DNAAF8: variants seen among roughly 807,000 people sequenced by gnomAD.
DNAAF8 encodes dynein axonemal-associated protein 1.
A neutral mutation model predicts 54.6 loss-of-function variants in DNAAF8; 61 were observed. The ratio of observed to expected loss-of-function variants is 1.12; its 90% CI spans 0.91 to 1.38. The LOEUF is 1.38. Ranked by LOEUF, DNAAF8 falls within the 40% of genes most tolerant of loss-of-function variation. DNAAF8 has a pLI of 0.00. For missense variants in DNAAF8, 837 were observed against 665.0 expected (o/e 1.26, Z -2.85); for synonymous variants, 320 against 270.1 (o/e 1.18, Z -1.81).
chr16:4,738,389 TG>T (rs1329334665), intron 3 of DNAAF8, among the ~76,000 whole-genome samples: 2 of 151,944 alleles, frequency 1.3e-5, no homozygotes, highest in African/African-American at 4.8e-5. Flanking sequence ...CAGGCTACAG[TG>T]GGGAGTGGGA....
At chr16:4,743,005 C>T (rs2081973142) in intron 4 of DNAAF8, 38 bp from the exon 5 acceptor site, 1 of 1,526,184 alleles carries the variant, frequency 6.6e-7, no homozygotes, top group Non-Finnish European at 9.1e-7. Context: ...TCTGGGACCC[C>T]TCAGCATCCT....
chr16:4,737,569 G>A (rs1176534438), intron 2 of DNAAF8, among the ~76,000 whole-genome samples: 1 of 152,188 alleles, frequency 6.6e-6, no homozygotes, highest in African/African-American at 2.4e-5. Flanking sequence ...ACCTCCACGA[G>A]GTTGTGCTGC....
intron 3 of DNAAF8, among the ~76,000 whole-genome samples, chr16:4,739,132 C>G (rs939854784): frequency 3.3e-5 from 5 of 152,050 alleles, no homozygotes; most frequent in African/African-American, 1.2e-4. Context: ...TGAAATAACC[C>G]CACACAAGAG....
rs370515594 is a variant in DNAAF8 at position 4,740,373 on chromosome 16, G to A, written c.497G>A (p.Trp166Ter). The change falls in exon 4 of 10, where the codon TGG becomes TAG. Residue 166 changes from tryptophan to a stop codon, truncating the protein, a stop_gained. Coordinates refer to ENST00000299320, the MANE Select transcript of DNAAF8 (RefSeq NM_139170.3). LOFTEE classifies it high-confidence loss of function. The stretch of plus-strand genomic sequence containing the variant: ...ACCAAAGGATCCCAGGGTCCTCCCT[G>A]GGACCCACAGGCCGAAGCCACTCTC... The part of the protein sequence containing the change: ...FNTKGSQGPP[W>*]DPQAEATLSC... 13 of 1,613,704 alleles carry A rather than the reference G, an allele frequency of 8.1e-6. No homozygotes were observed. Among genetic ancestry groups the A allele is most frequent in the Non-Finnish European group, 1.0e-5 (12 of 1,179,992 alleles).
intron 2 of DNAAF8, 114 bp from the exon 3 acceptor site, chr16:4,737,685 TG>T: frequency 7.6e-7 from 1 of 1,320,580 alleles, no homozygotes. Context: ...ACGGGCTGGA[TG>T]GGCTGGGCGG....
intron 5 of DNAAF8, 72 bp from the exon 6 acceptor site, chr16:4,744,798 G>A: frequency 6.6e-7 from 1 of 1,526,086 alleles, no homozygotes; most frequent in Non-Finnish European, 9.0e-7. Flanking sequence ...CAGGGGTCCT[G>A]AGGCTCCAGC....
chr16:4,736,954 C>T (rs569598757), intron 2 of DNAAF8, among the ~76,000 whole-genome samples: 2 of 152,140 alleles, frequency 1.3e-5, no homozygotes, highest in Admixed American at 6.5e-5. Flanking sequence ...TGCAGAAGCT[C>T]TGTCCTTTCC....
intron 6 of DNAAF8, 69 bp downstream of exon 6, chr16:4,745,080 T>A: frequency 6.4e-7 from 1 of 1,550,604 alleles, no homozygotes; most frequent in East Asian, 2.3e-5. Flanking sequence ...TAGCACTGAC[T>A]GGGCCTACCA....
Position 4,747,380 on chromosome 16 carries a change from A to G in DNAAF8, c.1318A>G (p.Arg440Gly). Reference sequence around the variant, plus strand: ...GAAAAGCCAGCTTCTCCAGCAGCTCAGGGCCTTTCAGAAGGGGACAGCCCA... The same window carrying G: ...GAAAAGCCAGCTTCTCCAGCAGCTCGGGGCCTTTCAGAAGGGGACAGCCCA... ...TGKSQLLQQLRAFQKGTAQPE... is the reference protein window; with the variant it reads ...TGKSQLLQQLGAFQKGTAQPE... Residue 440 changes from arginine (R) to glycine (G), a missense_variant, in exon 9 of 10, where the codon AGG becomes GGG. Transcript: ENST00000299320. The G allele has an allele frequency of 6.2e-7, 1 of 1,607,884 alleles. No homozygotes were observed. The highest frequency in any genetic ancestry group is 1.3e-5 in the African/African-American group (1 of 74,932).
At chr16:4,747,709 TC>T in intron 9 of DNAAF8, 75 bp downstream of exon 9, 1 of 1,450,962 alleles carries the variant, frequency 6.9e-7, no homozygotes. Context: ...CCCTTGTTGT[TC>T]CTGCATTTCC....
intron 4 of DNAAF8, among the ~76,000 whole-genome samples, chr16:4,741,177 T>G (rs1305551620): frequency 1.4e-5 from 2 of 143,676 alleles, no homozygotes; most frequent in Non-Finnish European, 3.0e-5. Flanking sequence ...GAGCTTGCAG[T>G]GAGCCGATAT....
chr16:4,735,557 T>C (rs1182208383), intron 1 of DNAAF8, among the ~76,000 whole-genome samples: 1 of 148,698 alleles, frequency 6.7e-6, no homozygotes, highest in Non-Finnish European at 1.5e-5. Flanking sequence ...AAGCTCAAGC[T>C]CCCCAGCCCC....
Position 4,740,508 on chromosome 16 carries a change from T to C in DNAAF8, c.632T>C (p.Ile211Thr). ...QERRKMIETD[I>T]LQKVTRDACG... ...AGAAGGAAGATGATAGAGACGGACA[T>C]CCTCCAGAAAGTCACCCGGGATGCC... The change falls in exon 4 of 10, where the codon ATC (isoleucine) becomes ACC (threonine). Residue 211 changes from isoleucine to threonine, a missense_variant. Ile to Thr is a moderately conservative substitution (Grantham distance 89). Transcript: ENST00000299320. The C allele has an allele frequency of 3.1e-6, 5 of 1,613,942 alleles. No individual in the cohort carries two copies. The highest frequency in any genetic ancestry group is 4.2e-6 in the Non-Finnish European group (5 of 1,179,990).
At chr16:4,747,253 G>A (rs1001688242) in intron 8 of DNAAF8, 90 bp from the exon 9 acceptor site, 1 of 1,435,626 alleles carries the variant, frequency 7.0e-7, no homozygotes. Context: ...ATGGGAGCTG[G>A]GCTCATCTGC....
chr16:4,744,607 G>A (rs2081989442), intron 5 of DNAAF8, among the ~76,000 whole-genome samples: 1 of 144,076 alleles, frequency 6.9e-6, no homozygotes, highest in Non-Finnish European at 1.5e-5. Flanking sequence ...GAGGAAGTGG[G>A]ATAAACTTAA....
intron 6 of DNAAF8, 146 bp from the exon 7 acceptor site, chr16:4,746,229 A>T: frequency 1.2e-6 from 1 of 868,630 alleles, no homozygotes; most frequent in Non-Finnish European, 1.7e-6. Context: ...GAAGAGTAAA[A>T]GAGCAAATGT....
chr16:4,742,357 C>G (rs934833030), intron 4 of DNAAF8, among the ~76,000 whole-genome samples: 1 of 152,006 alleles, frequency 6.6e-6, no homozygotes, highest in African/African-American at 2.4e-5. Context: ...GCATTCAAGA[C>G]CAGCCTCGCC....
intron 4 of DNAAF8, among the ~76,000 whole-genome samples, chr16:4,742,766 A>T (rs545607959): frequency 6.6e-6 from 1 of 152,266 alleles, no homozygotes; most frequent in South Asian, 2.1e-4. Context: ...CCTTCGGGTC[A>T]GACAACGTCT....
At chr16:4,735,888 C>T (rs533896785) in intron 1 of DNAAF8, among the ~76,000 whole-genome samples, 2 of 152,126 alleles carry the variant, frequency 1.3e-5, no homozygotes, top group South Asian at 2.1e-4. Flanking sequence ...CTCAGGAGGC[C>T]GAGGCTTCAG....
Sources: allele counts gnomAD v4.1 joint callset (sites outside exome capture counted in the v4.1 genomes callset), GRCh38; gene constraint gnomAD v4.1.1; transcripts MANE v1.5; gene names NCBI Gene and HGNC (gene_info 2026-07-23, HGNC 2026-07-21).